ARID1A: variants seen among roughly 807,000 people sequenced by gnomAD.
ARID1A encodes AT-rich interaction domain 1A, also known as AT-rich interactive domain-containing protein 1A.
A neutral mutation model predicts 212.6 loss-of-function variants in ARID1A; 20 were observed. The observed-to-expected ratio is 0.09, with a 90% confidence interval of 0.07 to 0.14. The LOEUF is 0.14. ARID1A is among the 10% of genes least tolerant of loss of function. The pLI is 1.00. For synonymous variants in ARID1A, 1,376 were observed against 1,222.1 expected, an observed-to-expected ratio of 1.13 and a Z score of -2.63; for missense variants, 2,587 against 3,059.0, an observed-to-expected ratio of 0.85 and a Z score of 3.64.
Position 26,774,997 on chromosome 1 carries a change from C to G in ARID1A, c.4770C>G (p.Pro1590=), listed in dbSNP as rs778260889. The change falls in exon 18 of 20, where the codon CCC becomes CCG. Residue 1590 remains proline, a synonymous_variant. Coordinates refer to ENST00000324856, the MANE Select transcript of ARID1A (RefSeq NM_006015.6). The surrounding 1 kb of genome is among the most constrained non-coding windows in gnomAD (Gnocchi z 5.6). ...TTCCTCAGGTATCCAGCCCTGCTCC[C>G]CTGCCCCGGCCAATGGAGAACCGCA... ...NHIPQVSSPA[P]LPRPMENRTS... is the part of the protein sequence containing the mutation. 6.4e-6 allele frequency: 10 copies of G among 1,561,696 alleles called. No individual in the cohort carries two copies. The South Asian group carries it at 1.2e-4, about 19-fold the overall frequency.
chr1:26,711,429 C>T (rs2080452991), intron 1 of ARID1A, among the ~76,000 whole-genome samples: 1 of 152,040 alleles, frequency 6.6e-6, no homozygotes, highest in Non-Finnish European at 1.5e-5. Context: ...GGCTCTTGCT[C>T]TTATAAGGGC....
chr1:26,777,602 A>G (rs1458876865), intron 19 of ARID1A, among the ~76,000 whole-genome samples: 5 of 151,984 alleles, frequency 3.3e-5, no homozygotes, highest in Non-Finnish European at 7.4e-5. Context: ...TCAAACTCCT[A>G]GGCTCAAGTG....
In ARID1A at chr1:26,775,758, G is replaced by A. The variant is rs1280964106; in HGVS notation, c.5124+51G>A. The stretch of plus-strand genomic sequence containing the variant: ...TGAGAGGGTTTGGGATCTTCTTAGT[G>A]TAGACAATGGGAATGTCTCATCTTT... On this transcript the variant is annotated intron_variant, in intron 19 of 19. Coordinates refer to ENST00000324856, the MANE Select transcript of ARID1A (RefSeq NM_006015.6). The A allele has an allele frequency of 2.5e-6, 4 of 1,612,706 alleles. No individual in the cohort carries two copies. The African/African-American group carries it at 5.3e-5, about 21-fold the overall frequency.
intron 4 of ARID1A, among the ~76,000 whole-genome samples, chr1:26,748,951 T>C (rs1175187352): frequency 6.6e-6 from 1 of 151,782 alleles, no homozygotes; most frequent in Non-Finnish European, 1.5e-5. Context: ...GATCACGAGG[T>C]CAGGAGATGG....
At chr1:26,707,454 G>A (rs1282594289) in intron 1 of ARID1A, among the ~76,000 whole-genome samples, 2 of 151,814 alleles carry the variant, frequency 1.3e-5, no homozygotes, top group African/African-American at 2.4e-5. Context: ...TGATCTACCC[G>A]TCTCGGCCTC....
chr1:26,734,865 C>A (rs1271929159), intron 4 of ARID1A, among the ~76,000 whole-genome samples: 1 of 152,168 alleles, frequency 6.6e-6, no homozygotes, highest in Non-Finnish European at 1.5e-5. Context: ...CCTATTGGCA[C>A]CAGAGCAGAT....
At chr1:26,775,848 G>A (rs1410065780) in intron 19 of ARID1A, 141 bp downstream of exon 19, 1 of 1,292,924 alleles carries the variant, frequency 7.7e-7, no homozygotes, top group African/African-American at 1.5e-5. Context: ...TGCTTCCTTT[G>A]CCTCTGGGCA....
In ARID1A at chr1:26,761,114, G is replaced by A. The variant is rs2124057416; in HGVS notation, c.2161+18G>A. 1 of 1,610,898 alleles carries A rather than the reference G, an allele frequency of 6.2e-7. No homozygotes were observed. The highest frequency in any genetic ancestry group is 8.5e-7 in the Non-Finnish European group (1 of 1,177,440). ...AGTGCCAGGTACCCTCAAGTGCTGG[G>A]CTTTAGGGAGAGGGAAAGGTGACTG... On this transcript the variant is annotated intron_variant, in intron 5 of 19. Coordinates refer to ENST00000324856, the MANE Select transcript of ARID1A (RefSeq NM_006015.6).
chr1:26,774,310 C>A lies in ARID1A; in HGVS notation c.4102-19C>A. The A allele has an allele frequency of 6.6e-7, 1 of 1,523,766 alleles. No individual in the cohort carries two copies. Among genetic ancestry groups the A allele is most frequent in the South Asian group, 1.3e-5 (1 of 76,274 alleles). The allele number at this position is 1,523,766 out of a possible 1,614,324, so 94.4% of individuals were successfully genotyped here. On this transcript the variant is annotated intron_variant, in intron 17 of 19. Transcript: ENST00000324856. This position sits in a 1 kb window ranked among gnomAD's most constrained non-coding sequence, Gnocchi z 5.6. ...TGAGTGCAGAGTATTAACTTCCCCT[C>A]TGCTTGTCTCTGCCTTAGAATTACA...
At chr1:26,721,381 T>C (rs2080563454) in intron 1 of ARID1A, among the ~76,000 whole-genome samples, 1 of 152,192 alleles carries the variant, frequency 6.6e-6, no homozygotes, top group African/African-American at 2.4e-5. Context: ...CCGGCTAATA[T>C]TTGTATTTTC....
At chr1:26,705,779 A>G (rs1372987598) in intron 1 of ARID1A, among the ~76,000 whole-genome samples, 1 of 152,200 alleles carries the variant, frequency 6.6e-6, no homozygotes, top group African/African-American at 2.4e-5. Context: ...ATGTGAAGGG[A>G]CATCTGAATG....
intron 11 of ARID1A, among the ~76,000 whole-genome samples, chr1:26,768,872 C>G (rs955946660): frequency 6.6e-6 from 1 of 152,054 alleles, no homozygotes. Flanking sequence ...TGGCTGAGCT[C>G]GGGGAGGTGT....
At chr1:26,736,834 A>G (rs2080736268) in intron 4 of ARID1A, among the ~76,000 whole-genome samples, 1 of 146,838 alleles carries the variant, frequency 6.8e-6, no homozygotes. Flanking sequence ...TCCAGGAGGC[A>G]GAGGTTGCAG....
chr1:26,778,893 AC>A, intron 19 of ARID1A, 129 bp from the exon 20 acceptor site: 1 of 867,700 alleles, frequency 1.2e-6, no homozygotes. Flanking sequence ...TCTGTGGAGA[AC>A]CTTTGGGAAA....
rs1358776355 is a variant in ARID1A at position 26,696,701 on chromosome 1, C to G, written c.298C>G (p.Leu100Val). Residue 100 changes from leucine (L) to valine (V), a missense_variant, in exon 1 of 20, where the codon CTG (leucine) becomes GTG (valine). Leu to Val is a conservative substitution (Grantham distance 32). This residue lies in a region of ARID1A where 735 missense variants were observed against 590.6 expected (regional missense o/e 1.24). Coordinates refer to ENST00000324856, the MANE Select transcript of ARID1A (RefSeq NM_006015.6). ...SGGGPGAEPD[L>V]KNSNGNAGPR... ...CGGCGGGCCCGGCGCGGAGCCGGAC[C>G]TGAAGAACTCGAACGGGAACGCGGG... 7.3e-6 allele frequency: 10 copies of G among 1,363,686 alleles called. No homozygotes were observed. The highest frequency in any genetic ancestry group is 1.5e-5 in the African/African-American group (1 of 64,940). The allele number at this position is 1,363,686 out of a possible 1,614,324, so 84.5% of individuals were successfully genotyped here.
intron 11 of ARID1A, chr1:26,769,056 C>T (rs1253028001): frequency 6.6e-6 from 1 of 152,240 alleles, no homozygotes; most frequent in African/African-American, 2.4e-5. Context: ...AAGACACGTG[C>T]ATACTGCCAC....
At position 26,731,246 on chromosome 1, in the gene ARID1A, A is replaced by AGCC; in HGVS notation, c.1446_1448dup (p.Pro484dup). The AGCC allele has an allele frequency of 6.2e-7, 1 of 1,613,972 alleles. No individual in the cohort carries two copies. Among genetic ancestry groups the AGCC allele is most frequent in the African/African-American group, 1.3e-5 (1 of 74,974 alleles). On this transcript the variant is annotated inframe_insertion, in exon 3 of 20. Coordinates refer to ENST00000324856, the MANE Select transcript of ARID1A (RefSeq NM_006015.6). ...CAAAGTCCTCACCCTCAGCAGCAGC[A>AGCC]GCCACCCTACTCCCAGCAACCACCG...
Position 26,762,097 on chromosome 1 carries a change from G to A in ARID1A, c.2252-55G>A, listed in dbSNP as rs192563264. On this transcript the variant is annotated intron_variant, in intron 6 of 19. Coordinates refer to ENST00000324856, the MANE Select transcript of ARID1A (RefSeq NM_006015.6). ...TAAAGTCCCAGGATAAGGATGGAGA[G>A]CATTTGTTCGCATTGTATAAAGCTA... 15 of 1,501,144 alleles carry A rather than the reference G, an allele frequency of 1.0e-5. No homozygotes were observed. In the Admixed American group the frequency reaches 1.2e-4, roughly 12 times the overall value. 93.0% of individuals were successfully genotyped at this position (1,501,144 alleles called of 1,614,324 possible). A position where few individuals can be genotyped will look rare whatever the true frequency, so the allele number is the denominator to read the frequency against.
intron 1 of ARID1A, among the ~76,000 whole-genome samples, chr1:26,707,810 A>G (rs896058179): frequency 2.6e-5 from 4 of 152,224 alleles, no homozygotes; most frequent in Non-Finnish European, 5.9e-5. Flanking sequence ...ATAGAGTAAG[A>G]TAAGAAATTT....
Sources: gnomAD v4.1 joint callset for allele counts (sites outside exome capture counted in the v4.1 genomes callset) on GRCh38, gnomAD v4.1.1 for gene constraint, gnomAD v4.1.1 regional missense constraint, Gnocchi (gnomAD v3.1) non-coding constraint, MANE v1.5 for transcripts, NCBI Gene and HGNC (gene_info 2026-07-23, HGNC 2026-07-21) for gene names.